Variants in BCAS3 observed in about 807,000 individuals in gnomAD.
The protein encoded by BCAS3 is BCAS3 microtubule associated cell migration factor, also known as BCAS4/BCAS3 fusion.
In BCAS3, 53 loss-of-function variants were observed where a neutral mutation model predicts 116.1. The observed-to-expected ratio is 0.46, with a 90% confidence interval of 0.37 to 0.57. The LOEUF (loss-of-function observed/expected upper bound fraction) is 0.57. BCAS3 is among the 20% of genes least tolerant of loss of function. The pLI is 0.00. For missense variants in BCAS3, 917 were observed against 1,165.4 expected (o/e 0.79, Z 3.10); for synonymous variants, 391 against 408.2 (o/e 0.96, Z 0.51).
At chr17:60,720,470 T>TA (rs1469026823) in intron 5 of BCAS3, 1 of 152,170 alleles carries the variant, frequency 6.6e-6, no homozygotes, top group Admixed American at 6.5e-5. Context: ...ATTTTTTTCT[T>TA]AAAAAATGGA....
Position 60,789,952 on chromosome 17 carries a change from A to AT in BCAS3, c.404-18042dup, listed in dbSNP as rs775607520. ...TGTTTTCTAACCTTGAAATGAGAAT[A>AT]TTTTTTTTTTCTGGATGGTCTGCCT... On this transcript the variant is annotated intron_variant, in intron 6 of 23. Coordinates refer to ENST00000407086, the MANE Select transcript of BCAS3 (RefSeq NM_017679.5). Among the ~76,000 whole-genome samples, 275 of 149,640 alleles carry AT rather than the reference A, an allele frequency of 1.8e-3. 3 individuals are homozygous for AT. The highest frequency in any genetic ancestry group is 0.017 in the Middle Eastern group (5 of 286).
chr17:61,179,178 C>G (rs892840250), intron 22 of BCAS3, among the ~76,000 whole-genome samples: 2 of 151,628 alleles, frequency 1.3e-5, no homozygotes, highest in Non-Finnish European at 2.9e-5. Flanking sequence ...TAATTTTAAT[C>G]AAACTTGTTT....
intron 11 of BCAS3, among the ~76,000 whole-genome samples, chr17:60,908,356 A>G (rs1002419044): frequency 1.3e-4 from 20 of 152,164 alleles, no homozygotes; most frequent in African/African-American, 4.6e-4. Context: ...TTTCATTGGT[A>G]TAAGAGCATG....
chr17:61,391,887 G>A lies in BCAS3; in HGVS notation c.2594-90G>A, dbSNP rs1024626878. 2 of 1,419,982 alleles carry A rather than the reference G, an allele frequency of 1.4e-6. No homozygotes were observed. Among genetic ancestry groups the A allele is most frequent in the Non-Finnish European group, 1.9e-6 (2 of 1,037,968 alleles). 88.0% of individuals were successfully genotyped at this position (1,419,982 alleles called of 1,614,324 possible). A position where few individuals can be genotyped will look rare whatever the true frequency, so the allele number is the denominator to read the frequency against. On this transcript the variant is annotated intron_variant, in intron 23 of 23. Coordinates refer to ENST00000407086, the MANE Select transcript of BCAS3 (RefSeq NM_017679.5). The surrounding 1 kb of genome is among the most constrained non-coding windows in gnomAD (Gnocchi z 7.7). ...GAAGGACACAAGTGAACCCAGAATGGTGCCTCAAGGCAGGCAGCCTGGCCC... is the reference window on the plus strand; with the variant it reads ...GAAGGACACAAGTGAACCCAGAATGATGCCTCAAGGCAGGCAGCCTGGCCC...
At chr17:60,772,827 C>G (rs540853318) in intron 6 of BCAS3, among the ~76,000 whole-genome samples, 1 of 152,030 alleles carries the variant, frequency 6.6e-6, no homozygotes, top group East Asian at 1.9e-4. Context: ...GAGCTGAGAT[C>G]GCGCCACTGC....
chr17:61,391,138 T>C lies in BCAS3; in HGVS notation c.2594-839T>C, dbSNP rs1232500794. ...CTTGGGTCAAGAGATGGTAGGACAA[T>C]TGAGCGGCCCACAGCTGAATTAGAT... On this transcript the variant is annotated intron_variant, in intron 23 of 23. Coordinates refer to ENST00000407086, the MANE Select transcript of BCAS3 (RefSeq NM_017679.5). This position sits in a 1 kb window ranked among gnomAD's most constrained non-coding sequence, Gnocchi z 7.7. The C allele has an allele frequency of 6.6e-6, 1 of 152,242 alleles. No homozygotes were observed. The highest frequency in any genetic ancestry group is 1.5e-5 in the Non-Finnish European group (1 of 68,076). 9.4% of individuals were successfully genotyped at this position (152,242 alleles called of 1,614,324 possible).
In BCAS3 at chr17:61,056,306, C is replaced by A. The variant is rs1374079535; in HGVS notation, c.2029+15414C>A. 1.3e-5 allele frequency among the ~76,000 whole-genome samples: 2 copies of A among 152,110 alleles called. No homozygotes were observed. The highest frequency in any genetic ancestry group is 2.9e-5 in the Non-Finnish European group (2 of 68,006). On this transcript the variant is annotated intron_variant, in intron 19 of 23. Transcript: ENST00000407086. The surrounding 1 kb of genome is among the most constrained non-coding windows in gnomAD (Gnocchi z 4.9). ...CTTCCGCGAGTTGGAGTCTTGACCACCAGTAACTAACTGTGTGGCCTTAGT... is the reference window on the plus strand; with the variant it reads ...CTTCCGCGAGTTGGAGTCTTGACCAACAGTAACTAACTGTGTGGCCTTAGT...
rs1051753912 is a variant in BCAS3, at chr17:61,391,732, C to T, written c.2594-245C>T. ...GCCGTGCTTCGGGCCTAAAGGGCTTCCCGCAGCAGGGAGACGGTGCTCTCA... is the reference window on the plus strand; with the variant it reads ...GCCGTGCTTCGGGCCTAAAGGGCTTTCCGCAGCAGGGAGACGGTGCTCTCA... On this transcript the variant is annotated intron_variant, in intron 23 of 23. Coordinates refer to ENST00000407086, the MANE Select transcript of BCAS3 (RefSeq NM_017679.5). The surrounding 1 kb of genome is among the most constrained non-coding windows in gnomAD (Gnocchi z 7.7). 7.6e-6 allele frequency: 4 copies of T among 528,866 alleles called. No individual in the cohort carries two copies. The highest frequency in any genetic ancestry group is 1.4e-5 in the Non-Finnish European group (4 of 295,222). The allele number at this position is 528,866 out of a possible 1,614,324, so 32.8% of individuals were successfully genotyped here. A position where few individuals can be genotyped will look rare whatever the true frequency, so the allele number is the denominator to read the frequency against.
At position 61,282,741 on chromosome 17, in the gene BCAS3, T is replaced by C. The variant is rs934401596; in HGVS notation, c.2426-85586T>C. Among the ~76,000 whole-genome samples the C allele has an allele frequency of 6.6e-6, 1 of 152,186 alleles. No individual in the cohort carries two copies. Among genetic ancestry groups the C allele is most frequent in the African/African-American group, 2.4e-5 (1 of 41,458 alleles). On this transcript the variant is annotated intron_variant, in intron 22 of 23. Transcript: ENST00000407086. This position sits in a 1 kb window ranked among gnomAD's most constrained non-coding sequence, Gnocchi z 5.9. The stretch of plus-strand genomic sequence containing the variant: ...GTCTCTATACCTCACTTTGAGAGAA[T>C]TTCCATTTTGGTTTAATGAGTTGGT...
chr17:60,835,989 C>G (rs1323648302), intron 7 of BCAS3, among the ~76,000 whole-genome samples: 1 of 152,178 alleles, frequency 6.6e-6, no homozygotes, highest in Non-Finnish European at 1.5e-5. Context: ...AAAATGGATT[C>G]TCTAAAAAAA....
At position 61,273,550 on chromosome 17, in the gene BCAS3, A is replaced by G. The variant is rs183632574; in HGVS notation, c.2426-94777A>G. ...GATGTGCTCTGGATTGCTTTTATTTATGTATATCCTATTTTATAGTTTGTT... is the reference window on the plus strand; with the variant it reads ...GATGTGCTCTGGATTGCTTTTATTTGTGTATATCCTATTTTATAGTTTGTT... On this transcript the variant is annotated intron_variant, in intron 22 of 23. Coordinates refer to ENST00000407086, the MANE Select transcript of BCAS3 (RefSeq NM_017679.5). Among the ~76,000 whole-genome samples, 434 of 151,836 alleles carry G rather than the reference A, an allele frequency of 2.9e-3. 3 individuals are homozygous for G. Among genetic ancestry groups the G allele is most frequent in the Non-Finnish European group, 4.4e-3 (301 of 67,916 alleles).
At chr17:60,854,121 A>C (rs1005191264) in intron 7 of BCAS3, among the ~76,000 whole-genome samples, 1 of 151,962 alleles carries the variant, frequency 6.6e-6, no homozygotes, top group Non-Finnish European at 1.5e-5. Context: ...TCATTGTTCA[A>C]TTCCCACCTG....
intron 10 of BCAS3, among the ~76,000 whole-genome samples, chr17:60,897,480 A>G (rs541200109): frequency 6.6e-6 from 1 of 152,288 alleles, no homozygotes; most frequent in South Asian, 2.1e-4. Context: ...GTTTTCATCT[A>G]TTATTCCATT....
At chr17:61,158,661 T>C (rs1284270361) in intron 22 of BCAS3, among the ~76,000 whole-genome samples, 1 of 152,176 alleles carries the variant, frequency 6.6e-6, no homozygotes, top group African/African-American at 2.4e-5. Context: ...GCGGGTTAAC[T>C]GATAATGATA....
chr17:61,340,720 T>C (rs1332031046), intron 22 of BCAS3, among the ~76,000 whole-genome samples: 1 of 151,596 alleles, frequency 6.6e-6, no homozygotes, highest in African/African-American at 2.4e-5. Context: ...AAGCTGAGAG[T>C]GTGTGCAAGG....
At chr17:60,963,645 T>C (rs1448642140) in intron 14 of BCAS3, among the ~76,000 whole-genome samples, 2 of 149,406 alleles carry the variant, frequency 1.3e-5, no homozygotes, top group African/African-American at 4.9e-5. Context: ...AAGCTCCGCC[T>C]CCCAGGTTCA....
chr17:61,359,034 G>A (rs1004683765), intron 22 of BCAS3, among the ~76,000 whole-genome samples: 1 of 152,108 alleles, frequency 6.6e-6, no homozygotes, highest in Non-Finnish European at 1.5e-5. Flanking sequence ...AGAGAAAGTG[G>A]GGTGCACATA....
At chr17:60,815,422 A>C (rs1047154162) in intron 7 of BCAS3, among the ~76,000 whole-genome samples, 4 of 152,004 alleles carry the variant, frequency 2.6e-5, no homozygotes, top group African/African-American at 9.7e-5. Flanking sequence ...GTGCACATGT[A>C]CCCTAGAACT....
chr17:60,712,819 A>AG (rs1443107839), intron 5 of BCAS3, among the ~76,000 whole-genome samples: 1 of 152,222 alleles, frequency 6.6e-6, no homozygotes, highest in African/African-American at 2.4e-5. Context: ...CTCTCTTCAT[A>AG]GGGGAGAAGG....
Sources: gnomAD v4.1 joint callset for allele counts (sites outside exome capture counted in the v4.1 genomes callset) on GRCh38, gnomAD v4.1.1 for gene constraint, Gnocchi (gnomAD v3.1) non-coding constraint, MANE v1.5 for transcripts, NCBI Gene and HGNC (gene_info 2026-07-23, HGNC 2026-07-21) for gene names.